Variants in SNTG1 observed in about 807,000 individuals in gnomAD.
SNTG1 encodes the protein syntrophin gamma 1, also known as gamma-1-syntrophin.
A neutral mutation model predicts 74.7 loss-of-function variants in SNTG1; 39 were observed. That is an observed-to-expected ratio of 0.52 (90% confidence interval 0.40 to 0.68). The LOEUF (loss-of-function observed/expected upper bound fraction) is 0.68, where lower values mean the gene tolerates loss of function less well. Among genes scored for constraint, SNTG1 ranks in the 30% least tolerant of loss-of-function variants. The pLI is 0.00. For missense variants in SNTG1, 685 were observed against 609.5 expected, an observed-to-expected ratio of 1.12 and a Z score of -1.30; for synonymous variants, 254 against 217.1, an observed-to-expected ratio of 1.17 and a Z score of -1.49.
chr8:50,180,268 G>T (rs1325122389), intron 2 of SNTG1, among the ~76,000 whole-genome samples: 2 of 152,070 alleles, frequency 1.3e-5, no homozygotes, highest in Admixed American at 1.3e-4. Context: ...TTACTTGGGA[G>T]GAGAGGGTGT....
At chr8:50,405,223 C>T (rs75852936) in intron 4 of SNTG1, among the ~76,000 whole-genome samples, 7,384 of 152,026 alleles carry the variant, frequency 0.049, 242 homozygotes, top group Non-Finnish European at 0.07. Context: ...AAGAAACTGC[C>T]GTACTCTTTT....
At chr8:50,677,180 A>G (rs1334457060) in intron 15 of SNTG1, among the ~76,000 whole-genome samples, 1 of 151,976 alleles carries the variant, frequency 6.6e-6, no homozygotes, top group Non-Finnish European at 1.5e-5. Context: ...ACTGAAAATA[A>G]GCACTGGAAA....
intron 1 of SNTG1, among the ~76,000 whole-genome samples, chr8:50,049,447 T>C (rs1819381089): frequency 6.6e-6 from 1 of 152,152 alleles, no homozygotes; most frequent in African/African-American, 2.4e-5. Flanking sequence ...GAAGTCATAA[T>C]AGTCATTAAC....
chr8:50,369,977 T>A (rs2092230148), intron 2 of SNTG1, among the ~76,000 whole-genome samples: 1 of 152,318 alleles, frequency 6.6e-6, no homozygotes, highest in Admixed American at 6.5e-5. Context: ...CTATATTCCA[T>A]GGTGTGATCT....
chr8:50,278,164 T>C (rs1196483872), intron 2 of SNTG1, among the ~76,000 whole-genome samples: 2 of 151,966 alleles, frequency 1.3e-5, no homozygotes, highest in Admixed American at 1.3e-4. Context: ...AGAGTGAGAC[T>C]CCATCTCAAA....
intron 18 of SNTG1, among the ~76,000 whole-genome samples, chr8:50,780,056 C>G (rs1346409683): frequency 2.0e-5 from 3 of 152,306 alleles, no homozygotes; most frequent in East Asian, 3.9e-4. Flanking sequence ...ATGAAGCCCA[C>G]TTGATCATGG....
At chr8:50,682,464 G>T (rs2095335105) in intron 15 of SNTG1, among the ~76,000 whole-genome samples, 1 of 152,078 alleles carries the variant, frequency 6.6e-6, no homozygotes, top group South Asian at 2.1e-4. Context: ...TAGAGCTGGT[G>T]GGAAAGTTGT....
intron 11 of SNTG1, among the ~76,000 whole-genome samples, chr8:50,546,927 G>A (rs1367120437): frequency 6.6e-6 from 1 of 152,032 alleles, no homozygotes; most frequent in Non-Finnish European, 1.5e-5. Flanking sequence ...GATTACAGGT[G>A]CCCACAACCA....
chr8:50,562,607 G>A lies in SNTG1; in HGVS notation c.810+9428G>A, dbSNP rs147978223. Reference sequence around the variant, plus strand: ...GAACAGTATGATAATATATAAATGTGTGGGTTTTTCTTAAACCACCTTAGT... The same window carrying A: ...GAACAGTATGATAATATATAAATGTATGGGTTTTTCTTAAACCACCTTAGT... On this transcript the variant is annotated intron_variant, in intron 12 of 18. Coordinates refer to ENST00000642720, the MANE Select transcript of SNTG1 (RefSeq NM_018967.5). Among the ~76,000 whole-genome samples, 277 of 152,242 alleles carry A rather than the reference G, an allele frequency of 1.8e-3. 2 individuals carry two copies. The highest frequency in any genetic ancestry group is 6.5e-3 in the African/African-American group (270 of 41,526).
intron 1 of SNTG1, among the ~76,000 whole-genome samples, chr8:50,011,625 T>TAA (rs34138423): frequency 1.3e-5 from 2 of 148,996 alleles, no homozygotes; most frequent in African/African-American, 5.0e-5. Flanking sequence ...AAGGTGAAAT[T>TAA]AAAAAAAAAA....
At chr8:49,978,383 G>A (rs1812380519) in intron 1 of SNTG1, among the ~76,000 whole-genome samples, 2 of 152,070 alleles carry the variant, frequency 1.3e-5, no homozygotes, top group African/African-American at 2.4e-5. Flanking sequence ...AGAAAGCAAT[G>A]CAAAAAAATG....
intron 15 of SNTG1, among the ~76,000 whole-genome samples, chr8:50,696,464 T>A (rs1186642280): frequency 6.6e-6 from 1 of 152,050 alleles, no homozygotes; most frequent in Non-Finnish European, 1.5e-5. Context: ...CAGAAGTTTT[T>A]AATTTAATTA....
At chr8:50,137,553 T>G (rs2081513840) in intron 1 of SNTG1, among the ~76,000 whole-genome samples, 1 of 152,152 alleles carries the variant, frequency 6.6e-6, no homozygotes, top group Non-Finnish European at 1.5e-5. Context: ...GTAGATAGTA[T>G]GTTAGAAGGC....
intron 1 of SNTG1, among the ~76,000 whole-genome samples, chr8:50,068,527 C>T (rs1821088250): frequency 6.6e-6 from 1 of 152,154 alleles, no homozygotes; most frequent in Non-Finnish European, 1.5e-5. Flanking sequence ...GGGCCACACC[C>T]CCACCCCTGC....
chr8:50,375,170 C>G (rs1212013499), intron 2 of SNTG1, among the ~76,000 whole-genome samples: 1 of 152,118 alleles, frequency 6.6e-6, no homozygotes, highest in Non-Finnish European at 1.5e-5. Flanking sequence ...TTCTGAAACT[C>G]TATGCATGCT....
intron 12 of SNTG1, among the ~76,000 whole-genome samples, chr8:50,588,277 T>C (rs774811691): frequency 6.6e-6 from 1 of 152,188 alleles, no homozygotes; most frequent in Non-Finnish European, 1.5e-5. Flanking sequence ...TTAAAATGGA[T>C]GTGGGTGTGT....
intron 2 of SNTG1, among the ~76,000 whole-genome samples, chr8:50,387,307 G>A (rs894515144): frequency 1.2e-4 from 18 of 152,064 alleles, no homozygotes; most frequent in African/African-American, 4.1e-4. Flanking sequence ...CTCTTTAACA[G>A]AGCCACCACA....
chr8:50,796,568 G>A lies in SNTG1; in HGVS notation c.*3739G>A, dbSNP rs1416687373. ...TTGTTTTGGTGGATGTTTGTAAAAT[G>A]TAAATTAATATCTGTGACAAAAATT... is the stretch of plus-strand genomic sequence containing the variant. On this transcript the variant is annotated 3_prime_UTR_variant, in exon 19 of 19. Transcript: ENST00000642720. 6.6e-6 allele frequency: 1 copy of A among 151,922 alleles called. No individual in the cohort carries two copies. The highest frequency in any genetic ancestry group is 1.5e-5 in the Non-Finnish European group (1 of 67,914). The allele number at this position is 151,922 out of a possible 1,614,324, so 9.4% of individuals were successfully genotyped here. A position where few individuals can be genotyped will look rare whatever the true frequency, so the allele number is the denominator to read the frequency against.
intron 2 of SNTG1, among the ~76,000 whole-genome samples, chr8:50,304,624 A>G (rs2089796151): frequency 6.6e-6 from 1 of 152,184 alleles, no homozygotes; most frequent in African/African-American, 2.4e-5. Context: ...AATACATTAC[A>G]GAACAAAAAA....
Sources: gnomAD v4.1 joint callset for allele counts (sites outside exome capture counted in the v4.1 genomes callset) on GRCh38, gnomAD v4.1.1 for gene constraint, MANE v1.5 for transcripts, NCBI Gene and HGNC (gene_info 2026-07-23, HGNC 2026-07-21) for gene names.